DNM3: variants seen among roughly 807,000 people sequenced by gnomAD.
DNM3 encodes dynamin-3.
Under a neutral mutation model 101.6 loss-of-function variants are expected in DNM3, and 47 were observed. That is an observed-to-expected ratio of 0.46 (90% CI 0.37 to 0.59). The LOEUF (loss-of-function observed/expected upper bound fraction) is 0.59, where lower values mean the gene tolerates loss of function less well. Ranked by LOEUF, DNM3 falls within the 20% of genes least tolerant of loss-of-function variation. The pLI, the probability that DNM3 is intolerant of heterozygous loss-of-function variation, is 0.00. For synonymous variants in DNM3, 385 were observed against 387.9 expected, an observed-to-expected ratio of 0.99 and a Z score of 0.09; for missense variants, 849 against 1,085.7, an observed-to-expected ratio of 0.78 and a Z score of 3.06.
Position 172,044,460 on chromosome 1 carries a change from A to T in DNM3, c.1196+8A>T, listed in dbSNP as rs768308790. 1.2e-6 allele frequency: 2 copies of T among 1,600,758 alleles called. No homozygotes were observed. Among genetic ancestry groups the T allele is most frequent in the South Asian group, 2.3e-5 (2 of 87,674 alleles). ...AAACATACATGGTATCAGGCAAGTG[A>T]TTCACATTTTTCTTGTCATCTGTTC... On this transcript the variant is annotated splice_region_variant and intron_variant, in intron 9 of 20. Transcript: ENST00000627582.
chr1:172,000,427 C>A (rs1320289470), intron 4 of DNM3, among the ~76,000 whole-genome samples: 1 of 152,056 alleles, frequency 6.6e-6, no homozygotes, highest in Non-Finnish European at 1.5e-5. Context: ...CTTTGTCCCT[C>A]TGGCTTGTCA....
chr1:172,179,518 G>A (rs968132967), intron 14 of DNM3, among the ~76,000 whole-genome samples: 42 of 151,992 alleles, frequency 2.8e-4, no homozygotes, highest in African/African-American at 1.0e-3. Flanking sequence ...ATTGAGAAGA[G>A]GGGAGAAGTT....
chr1:171,863,312 T>G (rs1212566435), intron 1 of DNM3, among the ~76,000 whole-genome samples: 1 of 151,876 alleles, frequency 6.6e-6, no homozygotes, highest in Non-Finnish European at 1.5e-5. Flanking sequence ...AAGAAGCTGG[T>G]GCAGACAAGA....
chr1:172,377,665 T>G (rs1218895064), intron 17 of DNM3, among the ~76,000 whole-genome samples: 1 of 151,034 alleles, frequency 6.6e-6, no homozygotes, highest in Non-Finnish European at 1.5e-5. Flanking sequence ...GGTCTGTGCT[T>G]TCTCTTACAA....
rs573566601 is a variant in DNM3 at position 171,918,673 on chromosome 1, A to T, written c.162-3075A>T. Among the ~76,000 whole-genome samples the T allele has an allele frequency of 2.0e-5, 3 of 152,304 alleles. 1 individual carries two copies. Among genetic ancestry groups the T allele is most frequent in the African/African-American group, 7.2e-5 (3 of 41,554 alleles). On this transcript the variant is annotated intron_variant, in intron 1 of 20. Transcript: ENST00000627582. ...TAGGACTGGTGAGAGCCATGAAGGGAACTAGTAACTGTGAGTTAATAAGAA... is the reference window on the plus strand; with the variant it reads ...TAGGACTGGTGAGAGCCATGAAGGGTACTAGTAACTGTGAGTTAATAAGAA...
chr1:172,378,056 A>G (rs983840375), intron 17 of DNM3: 1 of 152,076 alleles, frequency 6.6e-6, no homozygotes, highest in Non-Finnish European at 1.5e-5. Context: ...GAAGCAATAA[A>G]TTATTTCCCC....
intron 10 of DNM3, among the ~76,000 whole-genome samples, chr1:172,057,385 A>G (rs1026359292): frequency 2.0e-5 from 3 of 152,174 alleles, no homozygotes; most frequent in Admixed American, 6.5e-5. Flanking sequence ...TCCAAGACAC[A>G]TAATTGTCAG....
intron 2 of DNM3, among the ~76,000 whole-genome samples, chr1:171,947,223 T>C (rs1429246360): frequency 6.6e-6 from 1 of 152,032 alleles, no homozygotes. Context: ...AGGTGGAGTT[T>C]GTGATTTTTG....
chr1:172,328,219 A>G (rs1359034004), intron 17 of DNM3, among the ~76,000 whole-genome samples: 2 of 152,162 alleles, frequency 1.3e-5, no homozygotes, highest in East Asian at 1.9e-4. Flanking sequence ...AGTTAATAGG[A>G]AATAATGTTT....
intron 16 of DNM3, chr1:172,309,571 T>A (rs1312641658): frequency 1.3e-5 from 2 of 152,178 alleles, no homozygotes; most frequent in African/African-American, 4.8e-5. Flanking sequence ...CTCCTGTATA[T>A]CTAGATTATC....
At chr1:171,872,849 A>C (rs1241021147) in intron 1 of DNM3, among the ~76,000 whole-genome samples, 1 of 152,154 alleles carries the variant, frequency 6.6e-6, no homozygotes, top group Non-Finnish European at 1.5e-5. Flanking sequence ...AGTCAGTTGA[A>C]GAGCAAGATA....
At chr1:172,043,170 AT>A (rs1241608299) in intron 8 of DNM3, among the ~76,000 whole-genome samples, 2 of 152,094 alleles carry the variant, frequency 1.3e-5, no homozygotes, top group Non-Finnish European at 2.9e-5. Context: ...GGTTTTGGAG[AT>A]AAAGTTGCTA....
chr1:172,026,868 T>G (rs562859397), intron 4 of DNM3, among the ~76,000 whole-genome samples: 1 of 152,234 alleles, frequency 6.6e-6, no homozygotes, highest in East Asian at 1.9e-4. Context: ...TTAGCCAGGA[T>G]GGTCTCGATC....
chr1:172,353,817 A>G (rs2067302673), intron 17 of DNM3, among the ~76,000 whole-genome samples: 1 of 152,190 alleles, frequency 6.6e-6, no homozygotes, highest in Non-Finnish European at 1.5e-5. Context: ...TGAAAACTGT[A>G]TGCCTCTACA....
At chr1:171,916,938 C>T (rs2039759168) in intron 1 of DNM3, among the ~76,000 whole-genome samples, 1 of 152,178 alleles carries the variant, frequency 6.6e-6, no homozygotes, top group South Asian at 2.1e-4. Flanking sequence ...TGGAATGCCT[C>T]CTACCTCATA....
chr1:172,058,771 T>C (rs2050873734), intron 10 of DNM3, among the ~76,000 whole-genome samples: 1 of 150,076 alleles, frequency 6.7e-6, no homozygotes, highest in Non-Finnish European at 1.5e-5. Context: ...CACCCTAACA[T>C]CACAATTAAA....
chr1:172,341,005 C>T (rs1411236079), intron 17 of DNM3, among the ~76,000 whole-genome samples: 1 of 152,070 alleles, frequency 6.6e-6, no homozygotes, highest in Admixed American at 6.6e-5. Context: ...TAGTCTCTGC[C>T]CAAAAGCTCC....
At chr1:171,944,509 GA>G (rs2125425058) in intron 2 of DNM3, among the ~76,000 whole-genome samples, 1 of 151,962 alleles carries the variant, frequency 6.6e-6, no homozygotes, top group Non-Finnish European at 1.5e-5. Flanking sequence ...CAGTGGCTGG[GA>G]CCACAAGCGT....
At chr1:172,313,538 C>A in intron 16 of DNM3, among the ~76,000 whole-genome samples, 1 of 152,114 alleles carries the variant, frequency 6.6e-6, no homozygotes, top group East Asian at 1.9e-4. Context: ...TAATGTGTGC[C>A]ATGGAATGAG....
Sources: allele counts gnomAD v4.1 joint callset (sites outside exome capture counted in the v4.1 genomes callset), GRCh38; gene constraint gnomAD v4.1.1; transcripts MANE v1.5; gene names NCBI Gene and HGNC (gene_info 2026-07-23, HGNC 2026-07-21).